Variants in TPO observed in about 807,000 individuals in gnomAD.
TPO encodes the protein thyroid peroxidase.
TPO carries 78 observed loss-of-function variants against 96.9 expected under a neutral mutation model. That is an observed-to-expected ratio of 0.81 (90% CI 0.67 to 0.97). The LOEUF (loss-of-function observed/expected upper bound fraction) is 0.97, where lower values mean the gene tolerates loss of function less well. Ranked by LOEUF, TPO falls within the 50% of genes least tolerant of loss-of-function variation. The pLI is 0.00. For missense variants in TPO, 1,252 were observed against 1,274.8 expected (o/e 0.98, Z 0.27); for synonymous variants, 547 against 538.0 (o/e 1.02, Z -0.23).
At chr2:1,512,571 G>A (rs1187544266) in intron 14 of TPO, 52 of 815,308 alleles carry the variant, frequency 6.4e-5, no homozygotes, top group Non-Finnish European at 7.7e-5. Flanking sequence ...CGAACCTGAA[G>A]TCAGGGTCCG....
At chr2:1,528,599 T>C (rs1207485308) in intron 15 of TPO, among the ~76,000 whole-genome samples, 3 of 120,232 alleles carry the variant, frequency 2.5e-5, no homozygotes, top group African/African-American at 1.0e-4. Context: ...CCGCCCCAAA[T>C]CTACCCCAGT....
At chr2:1,409,108 G>A (rs977129637), upstream of TPO, among the ~76,000 whole-genome samples, 9 of 152,126 alleles carry the variant, frequency 5.9e-5, no homozygotes, top group African/African-American at 1.9e-4. Flanking sequence ...CAGAGTCCAT[G>A]AGAGGAGCCT....
At chr2:1,497,614 G>T (rs1188341678) in intron 13 of TPO, among the ~76,000 whole-genome samples, 1 of 152,150 alleles carries the variant, frequency 6.6e-6, no homozygotes, top group Non-Finnish European at 1.5e-5. Context: ...GTCAGGGCAG[G>T]CAGGAGCAGG....
intron 15 of TPO, among the ~76,000 whole-genome samples, chr2:1,530,362 CCCCAAATA>C (rs1677814001): frequency 6.8e-6 from 1 of 147,190 alleles, no homozygotes; most frequent in Non-Finnish European, 1.5e-5. Flanking sequence ...TGTGCAACGT[CCCCAAATA>C]TCCCCAGTGT....
At chr2:1,393,456 C>A (rs115358004) in intron 1 of TPO, among the ~76,000 whole-genome samples, 72 of 152,306 alleles carry the variant, frequency 4.7e-4, no homozygotes, top group African/African-American at 1.6e-3. Flanking sequence ...GTCCACACAG[C>A]ACCTGGGTGG....
intron 3 of TPO, among the ~76,000 whole-genome samples, chr2:1,432,747 C>A (rs1459180666): frequency 9.7e-6 from 1 of 103,032 alleles, no homozygotes; most frequent in Non-Finnish European, 1.9e-5. Context: ...TGAGGGGAGG[C>A]CTGCAGGTGA....
intron 14 of TPO, among the ~76,000 whole-genome samples, chr2:1,507,919 A>G (rs1673653318): frequency 1.3e-5 from 2 of 152,156 alleles, no homozygotes. Flanking sequence ...TTCCAACACT[A>G]TGTTGAATAG....
intron 15 of TPO, among the ~76,000 whole-genome samples, chr2:1,521,044 C>G (rs1287914053): frequency 6.6e-6 from 1 of 152,206 alleles, no homozygotes; most frequent in Non-Finnish European, 1.5e-5. Flanking sequence ...TTCTGAAATA[C>G]AATTTTTCAG....
At position 1,424,951 on chromosome 2, in the gene TPO, A is replaced by G. The variant is rs145637388; in HGVS notation, c.179+1822A>G. 5.8e-4 allele frequency among the ~76,000 whole-genome samples: 15 copies of G among 26,044 alleles called. 3 individuals are homozygous for G. Among genetic ancestry groups the G allele is most frequent in the African/African-American group, 6.8e-4 (4 of 5,888 alleles). 17.1% of individuals were successfully genotyped at this position (26,044 alleles called of 152,430 possible). A position where few individuals can be genotyped will look rare whatever the true frequency, so the allele number is the denominator to read the frequency against. On this transcript the variant is annotated intron_variant, in intron 3 of 16. Coordinates refer to ENST00000329066, the MANE Select transcript of TPO (RefSeq NM_001206744.2). ...GATCATTTCATATCCTCAGAAGTCC[A>G]TGCTCCCTCTATAAAGTCATTGTTC...
At chr2:1,496,221 C>G in intron 12 of TPO, 24 bp downstream of exon 12, 1 of 1,609,732 alleles carries the variant, frequency 6.2e-7, no homozygotes, top group East Asian at 2.2e-5. Flanking sequence ...TCCTCTCACA[C>G]CACGTTACAG....
intron 5 of TPO, among the ~76,000 whole-genome samples, chr2:1,452,531 T>A (rs1261320759): frequency 6.6e-6 from 1 of 152,360 alleles, no homozygotes; most frequent in Admixed American, 6.5e-5. Flanking sequence ...TGATTATTTT[T>A]ACCTTTGCAG....
upstream of TPO, among the ~76,000 whole-genome samples, chr2:1,410,087 T>C (rs1305859161): frequency 6.6e-6 from 1 of 152,166 alleles, no homozygotes; most frequent in Non-Finnish European, 1.5e-5. Context: ...TTGATGACTA[T>C]TGTTTATTTG....
At chr2:1,428,640 G>A (rs1485880507) in intron 3 of TPO, among the ~76,000 whole-genome samples, 1 of 152,206 alleles carries the variant, frequency 6.6e-6, no homozygotes, top group African/African-American at 2.4e-5. Context: ...GCCCTCGAGT[G>A]GGTGCAGGTG....
intron 7 of TPO, 152 bp from the exon 8 acceptor site, chr2:1,476,934 G>A: frequency 9.8e-7 from 1 of 1,025,224 alleles, no homozygotes; most frequent in Non-Finnish European, 1.4e-6. Flanking sequence ...CGGGGGGGGA[G>A]GTGAGGGGAC....
intron 13 of TPO, chr2:1,503,711 C>T: frequency 1.4e-6 from 1 of 732,564 alleles, no homozygotes; most frequent in South Asian, 1.5e-5. Context: ...TGAGTGAGCC[C>T]CAGTGTGTGG....
chr2:1,510,571 G>A (rs181173492), intron 14 of TPO, among the ~76,000 whole-genome samples: 2 of 152,304 alleles, frequency 1.3e-5, no homozygotes, highest in African/African-American at 4.8e-5. Context: ...ACCCAGAGAT[G>A]AATTCGTGCC....
chr2:1,448,068 C>G (rs902745212), intron 5 of TPO, among the ~76,000 whole-genome samples: 8 of 152,192 alleles, frequency 5.3e-5, no homozygotes, highest in Non-Finnish European at 1.2e-4. Flanking sequence ...TTCAGCCCCT[C>G]CTGCCTGACA....
chr2:1,442,026 C>T (rs957005549), intron 5 of TPO, among the ~76,000 whole-genome samples: 12 of 152,120 alleles, frequency 7.9e-5, no homozygotes, highest in African/African-American at 2.9e-4. Flanking sequence ...CGAGATTTGA[C>T]AGCTTTATAA....
In TPO at chr2:1,496,727, C is replaced by T. The variant is rs568396046; in HGVS notation, c.2348C>T (p.Thr783Ile). ...CAAGGCCGGGAGCAGCTCACTTGCACCCAGGAAGGATGGGATTTCCAGCCT... is the reference window on the plus strand; with the variant it reads ...CAAGGCCGGGAGCAGCTCACTTGCATCCAGGAAGGATGGGATTTCCAGCCT... ...ELQGREQLTC[T>I]QEGWDFQPPL... The change falls in exon 13 of 17, where the codon ACC becomes ATC. Residue 783 changes from threonine (T) to isoleucine (I), a missense_variant. Physicochemically the swap from Thr to Ile is moderately conservative, Grantham distance 89 (BLOSUM62 -1). Coordinates refer to ENST00000329066, the MANE Select transcript of TPO (RefSeq NM_001206744.2). 6.2e-7 allele frequency: 1 copy of T among 1,614,086 alleles called. No homozygotes were observed. Among genetic ancestry groups the T allele is most frequent in the East Asian group, 2.2e-5 (1 of 44,874 alleles).
Sources: allele counts gnomAD v4.1 joint callset (sites outside exome capture counted in the v4.1 genomes callset), GRCh38; gene constraint gnomAD v4.1.1; transcripts MANE v1.5; gene names NCBI Gene and HGNC (gene_info 2026-07-23, HGNC 2026-07-21).